The following PRKCZ variants were observed in gnomAD, a reference collection of about 807,000 sequenced individuals.
The protein encoded by PRKCZ is protein kinase C zeta.
In PRKCZ, 33 loss-of-function variants were observed where a neutral mutation model predicts 79.5. The ratio of observed to expected loss-of-function variants is 0.41; its 90% confidence interval spans 0.31 to 0.55. The LOEUF (loss-of-function observed/expected upper bound fraction) is 0.55, where lower values mean the gene tolerates loss of function less well. PRKCZ is among the 20% of genes least tolerant of loss of function. The pLI is 0.19. For missense variants in PRKCZ, 578 were observed against 813.5 expected (o/e 0.71, Z 3.52); for synonymous variants, 342 against 320.9 (o/e 1.07, Z -0.70).
intron 4 of PRKCZ, among the ~76,000 whole-genome samples, chr1:2,076,742 G>GA (rs59323031): frequency 3.2e-3 from 406 of 127,048 alleles, no homozygotes; most frequent in Middle Eastern, 3.9e-3. Flanking sequence ...ACTCCATCTT[G>GA]AAAAAAAAAA....
At chr1:2,170,204 C>T (rs1684146632) in intron 11 of PRKCZ, among the ~76,000 whole-genome samples, 1 of 152,120 alleles carries the variant, frequency 6.6e-6, no homozygotes. Flanking sequence ...TCCTTCCTGC[C>T]CTTCCCTTTC....
At chr1:2,151,887 T>C (rs1229857969) in intron 9 of PRKCZ, among the ~76,000 whole-genome samples, 6 of 152,100 alleles carry the variant, frequency 3.9e-5, no homozygotes, top group Non-Finnish European at 5.9e-5. Flanking sequence ...GGGCAGAGCA[T>C]GATCACGGTT....
intron 16 of PRKCZ, among the ~76,000 whole-genome samples, chr1:2,179,304 T>C (rs1686086645): frequency 6.6e-6 from 1 of 152,054 alleles, no homozygotes; most frequent in South Asian, 2.1e-4. Flanking sequence ...GAGCTTTGAG[T>C]GATGGACAGG....
intron 10 of PRKCZ, chr1:2,169,071 T>C (rs2100239887): frequency 2.2e-6 from 1 of 450,142 alleles, no homozygotes; most frequent in Non-Finnish European, 4.5e-6. Flanking sequence ...TCCTCAGCCT[T>C]GCAGCAATGA....
intron 3 of PRKCZ, 149 bp downstream of exon 3, chr1:2,056,722 T>C (rs1660197224): frequency 4.3e-6 from 3 of 690,832 alleles, no homozygotes; most frequent in Non-Finnish European, 6.7e-6. Context: ...TGGGTTTTTT[T>C]CTTTGACTTT....
chr1:2,150,366 C>T (rs1679639803), intron 8 of PRKCZ, among the ~76,000 whole-genome samples: 1 of 152,158 alleles, frequency 6.6e-6, no homozygotes, highest in African/African-American at 2.4e-5. Flanking sequence ...GAGCTCTTGG[C>T]AGGCATTAGC....
intron 4 of PRKCZ, chr1:2,104,918 A>G (rs1278361905): frequency 6.1e-6 from 6 of 985,212 alleles, no homozygotes; most frequent in Non-Finnish European, 7.2e-6. Flanking sequence ...TATTCTTCAC[A>G]CCTCATTACA....
At chr1:2,155,925 TC>T in intron 9 of PRKCZ, 69 bp from the exon 10 acceptor site, 1 of 1,355,058 alleles carries the variant, frequency 7.4e-7, no homozygotes. Context: ...CTCCCTTGCC[TC>T]CCCCTTGCCC....
At chr1:2,108,233 G>A (rs922567434) in intron 4 of PRKCZ, among the ~76,000 whole-genome samples, 4 of 152,232 alleles carry the variant, frequency 2.6e-5, no homozygotes, top group South Asian at 2.1e-4. Context: ...TGGTGAGGCC[G>A]TCCTCTCCTG....
intron 5 of PRKCZ, among the ~76,000 whole-genome samples, chr1:2,137,294 C>A (rs1446226430): frequency 6.6e-6 from 1 of 152,170 alleles, no homozygotes; most frequent in Non-Finnish European, 1.5e-5. Flanking sequence ...GCCCCAGCCG[C>A]ACTGGCAGCT....
At position 2,169,587 on chromosome 1, in the gene PRKCZ, C is replaced by T. The variant is rs1348816146; in HGVS notation, c.1044C>T (p.Leu348=). 2.0e-6 allele frequency: 3 copies of T among 1,522,384 alleles called. No homozygotes were observed. In the African/African-American group the frequency reaches 4.1e-5, roughly 21 times the overall value. 94.3% of individuals were successfully genotyped at this position (1,522,384 alleles called of 1,614,324 possible). Residue 348 remains leucine (L), a synonymous_variant, in exon 11 of 18, where the codon CTC becomes CTT. Coordinates refer to ENST00000378567, the MANE Select transcript of PRKCZ (RefSeq NM_002744.6). ...LMFHMQRQRK[L]PEEHARFYAA... The stretch of plus-strand genomic sequence containing the variant: ...TCCACATGCAGAGGCAGAGGAAGCT[C>T]CCTGAGGAGCACGCCAGGTGGGTGC...
intron 1 of PRKCZ, among the ~76,000 whole-genome samples, chr1:2,053,710 G>T (rs1389896101): frequency 6.6e-6 from 1 of 152,180 alleles, no homozygotes; most frequent in Non-Finnish European, 1.5e-5. Context: ...GCAGGAAGAG[G>T]TCAAAGGTGA....
At chr1:2,050,105 A>G (rs1346358883), upstream of PRKCZ, 1 of 151,642 alleles carries the variant, frequency 6.6e-6, no homozygotes, top group Non-Finnish European at 1.5e-5. Context: ...GAAGGCCGAG[A>G]ACTCGCGTTT....
Position 2,094,425 on chromosome 1 carries a change from C to T in PRKCZ, c.334+34834C>T, listed in dbSNP as rs1015841326. Among the ~76,000 whole-genome samples the T allele has an allele frequency of 9.9e-5, 15 of 151,052 alleles. No homozygotes were observed. Among genetic ancestry groups the T allele is most frequent in the African/African-American group, 2.9e-4 (12 of 41,000 alleles). ...TGTGCCCGGCTCGTTGAACCTTGGG[C>T]GCTGCCCGTTCTGAGGCACCCGCTG... On this transcript the variant is annotated intron_variant, in intron 4 of 17. Coordinates refer to ENST00000378567, the MANE Select transcript of PRKCZ (RefSeq NM_002744.6). The surrounding 1 kb of genome is among the most constrained non-coding windows in gnomAD (Gnocchi z 7.3).
chr1:2,139,798 A>T (rs1676959248), intron 5 of PRKCZ, among the ~76,000 whole-genome samples: 1 of 152,210 alleles, frequency 6.6e-6, no homozygotes, highest in African/African-American at 2.4e-5. Context: ...AGATCAGCTC[A>T]GCATTATTTT....
At chr1:2,095,222 G>A (rs1191165756) in intron 4 of PRKCZ, among the ~76,000 whole-genome samples, 2 of 152,158 alleles carry the variant, frequency 1.3e-5, no homozygotes, top group African/African-American at 4.8e-5. Context: ...CTAGGTCTGC[G>A]TTGGCCTGGC....
chr1:2,173,650 C>A lies in PRKCZ; in HGVS notation c.1286-247C>A, dbSNP rs1372602260. On this transcript the variant is annotated intron_variant, in intron 13 of 17. Coordinates refer to ENST00000378567, the MANE Select transcript of PRKCZ (RefSeq NM_002744.6). This position sits in a 1 kb window ranked among gnomAD's most constrained non-coding sequence, Gnocchi z 5.7. ...GCCGGTGTGGTCACAGGTGCCCTGG[C>A]AGGACCGACAGCCCAGAGGCAGCCT... Among the ~76,000 whole-genome samples, 1 of 152,234 alleles carries A rather than the reference C, an allele frequency of 6.6e-6. No individual in the cohort carries two copies. The highest frequency in any genetic ancestry group is 1.5e-5 in the Non-Finnish European group (1 of 68,036).
At chr1:2,136,558 G>T (rs1676243396) in intron 5 of PRKCZ, among the ~76,000 whole-genome samples, 1 of 152,132 alleles carries the variant, frequency 6.6e-6, no homozygotes, top group South Asian at 2.1e-4. Context: ...TGTCTGGGAG[G>T]CCCTGAGGAC....
Position 2,178,396 on chromosome 1 carries a change from C to T in PRKCZ, c.1575+3083C>T, listed in dbSNP as rs1019272993. 8.1e-4 allele frequency among the ~76,000 whole-genome samples: 123 copies of T among 152,228 alleles called. No homozygotes were observed. Among genetic ancestry groups the T allele is most frequent in the Non-Finnish European group, 4.7e-4 (32 of 68,038 alleles). On this transcript the variant is annotated intron_variant, in intron 16 of 17. Transcript: ENST00000378567. The surrounding 1 kb of genome is among the most constrained non-coding windows in gnomAD (Gnocchi z 4.3). ...TTCCTGCGCTGAACCCCACCCACTG[C>T]GTCCACTGCGTGGAGACTGCACCTC...
Sources: allele counts gnomAD v4.1 joint callset (sites outside exome capture counted in the v4.1 genomes callset), GRCh38; gene constraint gnomAD v4.1.1; non-coding constraint Gnocchi (gnomAD v3.1); transcripts MANE v1.5; gene names NCBI Gene and HGNC (gene_info 2026-07-23, HGNC 2026-07-21).